Variants in ZFR observed in about 807,000 individuals in gnomAD.
The protein encoded by ZFR is zinc finger RNA binding protein.
ZFR carries 19 observed loss-of-function variants against 130.7 expected under a neutral mutation model. That is an observed-to-expected ratio of 0.15 (90% CI 0.10 to 0.21). The LOEUF is 0.21. ZFR is among the 10% of genes least tolerant of loss of function. The pLI, the probability that ZFR is intolerant of heterozygous loss-of-function variation, is 1.00. For missense variants in ZFR, 872 were observed against 1,321.5 expected (o/e 0.66, Z 5.27); for synonymous variants, 466 against 456.9 (o/e 1.02, Z -0.25).
rs975091632 is a variant in ZFR, at chr5:32,420,071, T to C, written c.170A>G (p.His57Arg). The C allele has an allele frequency of 1.9e-6, 3 of 1,609,302 alleles. No individual in the cohort carries two copies. Among genetic ancestry groups the C allele is most frequent in the African/African-American group, 1.3e-5 (1 of 74,844 alleles). The change falls in exon 3 of 20, where the codon CAT (histidine) becomes CGT (arginine). Residue 57 changes from histidine (H) to arginine (R), a missense_variant. His to Arg is a conservative substitution (Grantham distance 29, BLOSUM62 0). Coordinates refer to ENST00000265069, the MANE Select transcript of ZFR (RefSeq NM_016107.5). ...AGTGTAGCTAGCAACTGTAGTTGGA[T>C]GAGAATAGGCTACACCCGAAGCTGG... ...QQPASGVAYS[H>R]PTTVASYTVH...
intron 2 of ZFR, among the ~76,000 whole-genome samples, chr5:32,424,148 C>T (rs549594579): frequency 6.6e-6 from 1 of 152,260 alleles, no homozygotes; most frequent in South Asian, 2.1e-4. Flanking sequence ...AGGGGAAGGA[C>T]AGAAGCCTCT....
In ZFR at chr5:32,400,041, T is replaced by A; in HGVS notation, c.1679A>T (p.Asp560Val). The change falls in exon 9 of 20, where the codon GAT becomes GTT. Residue 560 changes from aspartate to valine, a missense_variant. Physicochemically the swap from Asp to Val is radical, Grantham distance 152. Transcript: ENST00000265069. ...ATAATCATGGCCCACTGGCTGCACA[T>A]CACTCTGTAAAGCAGCAAGAGATGC... ...TPASLAALQS[D>V]VQPVGHDYVE... 1.2e-6 allele frequency: 2 copies of A among 1,611,280 alleles called. No individual in the cohort carries two copies. Among genetic ancestry groups the A allele is most frequent in the Non-Finnish European group, 1.7e-6 (2 of 1,178,806 alleles).
intron 17 of ZFR, among the ~76,000 whole-genome samples, chr5:32,369,454 A>G (rs973016686): frequency 6.6e-6 from 1 of 152,130 alleles, no homozygotes; most frequent in Non-Finnish European, 1.5e-5. Flanking sequence ...TTCTTTGAGA[A>G]TGATTCCTTT....
intron 2 of ZFR, among the ~76,000 whole-genome samples, chr5:32,425,511 T>G (rs1327662187): frequency 6.6e-6 from 1 of 152,222 alleles, no homozygotes; most frequent in Admixed American, 6.5e-5. Flanking sequence ...AAGCATATTT[T>G]TGGTTAATGT....
In ZFR at chr5:32,354,726, G is replaced by C. The variant is rs1752269353; in HGVS notation, c.*1034C>G. Reference sequence around the variant, plus strand: ...GGGGTGTGTGGAGAAGATCATCTGTGTTATACTGTAATAGTTGCTAGAGTA... The same window carrying C: ...GGGGTGTGTGGAGAAGATCATCTGTCTTATACTGTAATAGTTGCTAGAGTA... On this transcript the variant is annotated 3_prime_UTR_variant, in exon 20 of 20. Coordinates refer to ENST00000265069, the MANE Select transcript of ZFR (RefSeq NM_016107.5). 1 of 152,550 alleles carries C rather than the reference G, an allele frequency of 6.6e-6. No homozygotes were observed. The highest frequency in any genetic ancestry group is 2.4e-5 in the African/African-American group (1 of 41,408). The allele number at this position is 152,550 out of a possible 1,614,324, so 9.4% of individuals were successfully genotyped here.
intron 10 of ZFR, among the ~76,000 whole-genome samples, chr5:32,395,790 CAAT>C (rs775601544): frequency 5.3e-5 from 8 of 152,208 alleles, no homozygotes; most frequent in South Asian, 2.1e-4. Context: ...CATATTTTCT[CAAT>C]AATATTTTCT....
At chr5:32,424,813 G>C (rs1754036722) in intron 2 of ZFR, among the ~76,000 whole-genome samples, 1 of 152,096 alleles carries the variant, frequency 6.6e-6, no homozygotes, top group African/African-American at 2.4e-5. Context: ...TAAAGTTTTA[G>C]AATCAATCTA....
At chr5:32,412,293 C>T (rs969065108) in intron 5 of ZFR, among the ~76,000 whole-genome samples, 1 of 152,202 alleles carries the variant, frequency 6.6e-6, no homozygotes, top group East Asian at 1.9e-4. Flanking sequence ...AAGTAATTTT[C>T]TTGTCTAAAA....
chr5:32,383,386 ATACT>A (rs1205656704), intron 15 of ZFR, among the ~76,000 whole-genome samples: 5 of 152,192 alleles, frequency 3.3e-5, no homozygotes, highest in Admixed American at 3.3e-4. Flanking sequence ...AACACACAAA[ATACT>A]TAACTTGCTG....
At chr5:32,406,121 T>C (rs759545578) in intron 6 of ZFR, among the ~76,000 whole-genome samples, 7 of 152,230 alleles carry the variant, frequency 4.6e-5, no homozygotes, top group Non-Finnish European at 1.0e-4. Context: ...AATCCATTAA[T>C]TTTAATAAAT....
chr5:32,385,447 AAAGAG>A (rs1753023553), intron 15 of ZFR, 56 bp downstream of exon 15: 1 of 1,583,672 alleles, frequency 6.3e-7, no homozygotes. Context: ...ATGCCATCTT[AAAGAG>A]TAGATAAATG....
intron 15 of ZFR, among the ~76,000 whole-genome samples, chr5:32,380,662 T>G (rs1278695719): frequency 6.8e-6 from 1 of 147,682 alleles, no homozygotes; most frequent in Non-Finnish European, 1.5e-5. Context: ...TTTTTTTTTT[T>G]TTTTTTTTTT....
chr5:32,386,836 G>C (rs909635310), intron 14 of ZFR, among the ~76,000 whole-genome samples: 2 of 152,102 alleles, frequency 1.3e-5, no homozygotes, highest in Non-Finnish European at 2.9e-5. Context: ...ACCAATGAAA[G>C]CTGATTCCTT....
intron 2 of ZFR, among the ~76,000 whole-genome samples, chr5:32,438,493 C>T (rs34117828): frequency 1.8e-3 from 278 of 152,078 alleles, no homozygotes; most frequent in Non-Finnish European, 3.5e-3. Flanking sequence ...GAATTCCCAA[C>T]CTCAAGTGAT....
rs1484064454 is a variant in ZFR, at chr5:32,403,915, C to T, written c.1215G>A (p.Lys405=). 2 of 1,582,516 alleles carry T rather than the reference C, an allele frequency of 1.3e-6. No homozygotes were observed. Among genetic ancestry groups the T allele is most frequent in the South Asian group, 2.3e-5 (2 of 85,490 alleles). ...GGAAAAAAACACCTACTTTCTGATGCTTAGCACCACGAATGTGGGCAGCAT... is the reference window on the plus strand; with the variant it reads ...GGAAAAAAACACCTACTTTCTGATGTTTAGCACCACGAATGTGGGCAGCAT... ...DAYAAHIRGA[K]HQKVVKLHTK... is the part of the protein sequence containing the mutation. Residue 405 remains lysine, a synonymous_variant, in exon 7 of 20, where the codon AAG becomes AAA. Coordinates refer to ENST00000265069, the MANE Select transcript of ZFR (RefSeq NM_016107.5).
At position 32,408,900 on chromosome 5, in the gene ZFR, C is replaced by T. The variant is rs564734349; in HGVS notation, c.785-1879G>A. ...AGCCTAACATAAAAGTCTAAGAAGG[C>T]TTTTCTCAAAAGTTGCCTGACTACT... On this transcript the variant is annotated intron_variant, in intron 5 of 19. Coordinates refer to ENST00000265069, the MANE Select transcript of ZFR (RefSeq NM_016107.5). 5.3e-5 allele frequency among the ~76,000 whole-genome samples: 8 copies of T among 152,242 alleles called. No individual in the cohort carries two copies. The South Asian group carries it at 1.5e-3, about 28-fold the overall frequency.
intron 2 of ZFR, among the ~76,000 whole-genome samples, chr5:32,442,005 A>G (rs959777038): frequency 3.3e-5 from 5 of 152,182 alleles, no homozygotes; most frequent in African/African-American, 4.8e-5. Flanking sequence ...CTATACTGGG[A>G]TAAAACAATC....
At position 32,387,644 on chromosome 5, in the gene ZFR, C is replaced by T; in HGVS notation, c.2404G>A (p.Gly802Arg). 6.2e-7 allele frequency: 1 copy of T among 1,613,556 alleles called. No homozygotes were observed. Among genetic ancestry groups the T allele is most frequent in the Non-Finnish European group, 8.5e-7 (1 of 1,179,634 alleles). ...GVLAKGLLLRGDRNVNLVLLC... is the reference protein window; with the variant it reads ...GVLAKGLLLRRDRNVNLVLLC... ...AAAACAAGGTTGACATTTCTATCTCCTCGGAGAAGTAATCCTTTTGCCAAT... is the reference window on the plus strand; with the variant it reads ...AAAACAAGGTTGACATTTCTATCTCTTCGGAGAAGTAATCCTTTTGCCAAT... Residue 802 changes from glycine (G) to arginine (R), a missense_variant, in exon 14 of 20, where the codon GGA becomes AGA. Around this residue, in one of 7 missense-constraint regions of ZFR, gnomAD observed 225 missense variants for 282.4 expected, o/e 0.80. Coordinates refer to ENST00000265069, the MANE Select transcript of ZFR (RefSeq NM_016107.5).
intron 3 of ZFR, among the ~76,000 whole-genome samples, chr5:32,419,253 A>C (rs1291559462): frequency 6.6e-6 from 1 of 152,250 alleles, no homozygotes; most frequent in Non-Finnish European, 1.5e-5. Flanking sequence ...AATTAATGTG[A>C]AAGTTTTTAA....
Sources: allele counts gnomAD v4.1 joint callset (sites outside exome capture counted in the v4.1 genomes callset), GRCh38; gene constraint gnomAD v4.1.1; regional missense constraint gnomAD v4.1.1; transcripts MANE v1.5; gene names NCBI Gene and HGNC (gene_info 2026-07-23, HGNC 2026-07-21).